Variants in QTMAN observed in about 807,000 individuals in gnomAD.
QTMAN encodes the protein queuosine-tRNA mannosyltransferase.
chr2:144,052,362 G>C, the QTMAN span, among the ~76,000 whole-genome samples: 2 of 152,190 alleles, frequency 1.3e-5, no homozygotes, highest in Non-Finnish European at 2.9e-5. Context: ...CTGCAATATT[G>C]CGGGGTTAAG....
chr2:144,171,024 C>T, the QTMAN span, among the ~76,000 whole-genome samples: 1 of 152,054 alleles, frequency 6.6e-6, no homozygotes, highest in African/African-American at 2.4e-5. Context: ...ATAGCAGTAC[C>T]ACTGTTCACT....
the QTMAN span, among the ~76,000 whole-genome samples, chr2:143,968,118 C>T: frequency 5.3e-5 from 8 of 152,310 alleles, no homozygotes; most frequent in East Asian, 1.4e-3. Context: ...CCATTCCACA[C>T]CTGGGCTCCT....
chr2:144,112,265 T>G, the QTMAN span, among the ~76,000 whole-genome samples: 7 of 152,344 alleles, frequency 4.6e-5, no homozygotes, highest in African/African-American at 1.7e-4. Context: ...ACAGATGTAC[T>G]TGTCTCTCTT....
chr2:144,066,591 GGACCACCTGAGGTCAGGAGTTCGAGACCA>G, the QTMAN span, among the ~76,000 whole-genome samples: 1 of 152,164 alleles, frequency 6.6e-6, no homozygotes, highest in Admixed American at 6.5e-5. Flanking sequence ...CGAGGTGGGT[GGACCACCTGAGGTCAGGAGTTCGAGACCA>G]GCCTGGTCAA....
the QTMAN span, among the ~76,000 whole-genome samples, chr2:144,011,032 G>A: frequency 3.3e-5 from 5 of 152,060 alleles, no homozygotes; most frequent in East Asian, 1.9e-4. Context: ...ATAACAATCC[G>A]GTACTTGAAA....
chr2:143,952,862 G>C, the QTMAN span: 1 of 1,489,306 alleles, frequency 6.7e-7, no homozygotes. Context: ...ATTTTAGAAA[G>C]AGGGTAAGAA....
chr2:144,256,716 G>A, the QTMAN span, among the ~76,000 whole-genome samples: 1 of 152,168 alleles, frequency 6.6e-6, no homozygotes, highest in Non-Finnish European at 1.5e-5. Flanking sequence ...GGAGGGAAAG[G>A]GGAGGAAAAG....
At chr2:144,243,691 A>G in the QTMAN span, among the ~76,000 whole-genome samples, 3 of 152,236 alleles carry the variant, frequency 2.0e-5, no homozygotes, top group Non-Finnish European at 4.4e-5. Context: ...GCATCCAAGT[A>G]CTTTAAGTGA....
the QTMAN span, among the ~76,000 whole-genome samples, chr2:144,139,143 G>A: frequency 6.6e-6 from 1 of 151,978 alleles, no homozygotes; most frequent in African/African-American, 2.4e-5. Context: ...GTAGGGTCTG[G>A]TAAGGCCAAA....
At chr2:143,961,983 T>C in the QTMAN span, among the ~76,000 whole-genome samples, 4 of 152,078 alleles carry the variant, frequency 2.6e-5, no homozygotes, top group African/African-American at 9.7e-5. Flanking sequence ...AGGTACTGAA[T>C]GGGAACCTCA....
chr2:144,280,320 A>G, the QTMAN span, among the ~76,000 whole-genome samples: 1 of 152,314 alleles, frequency 6.6e-6, no homozygotes, highest in East Asian at 1.9e-4. Context: ...TTGTGTTGTT[A>G]AACAGCTCAA....
the QTMAN span, among the ~76,000 whole-genome samples, chr2:144,008,259 A>G: frequency 2.0e-5 from 3 of 152,064 alleles, no homozygotes; most frequent in African/African-American, 4.8e-5. Context: ...GAAGAGTAGG[A>G]GACAGACACA....
the QTMAN span, among the ~76,000 whole-genome samples, chr2:144,120,218 T>C: frequency 6.6e-6 from 1 of 152,240 alleles, no homozygotes; most frequent in Non-Finnish European, 1.5e-5. Flanking sequence ...AACCTTCTTA[T>C]GCACGTCACC....
At chr2:144,090,809 C>G in the QTMAN span, among the ~76,000 whole-genome samples, 1 of 152,000 alleles carries the variant, frequency 6.6e-6, no homozygotes, top group African/African-American at 2.4e-5. Context: ...CATTCAAAAT[C>G]TCAGAGGGCT....
At chr2:144,155,164 C>T in the QTMAN span, among the ~76,000 whole-genome samples, 1 of 151,996 alleles carries the variant, frequency 6.6e-6, no homozygotes, top group Non-Finnish European at 1.5e-5. Context: ...TCCTGGGGTC[C>T]CTAATAGTAT....
the QTMAN span, among the ~76,000 whole-genome samples, chr2:144,118,573 T>C: frequency 6.6e-6 from 1 of 152,174 alleles, no homozygotes; most frequent in South Asian, 2.1e-4. Flanking sequence ...GATGTTGAAT[T>C]TGCATTAGCC....
At chr2:144,145,306 C>T in the QTMAN span, among the ~76,000 whole-genome samples, 6,647 of 151,718 alleles carry the variant, frequency 0.044, 256 homozygotes, top group East Asian at 0.18. Context: ...AAGGTCCCTG[C>T]CAACCTTTTA....
chr2:144,137,763 G>A, the QTMAN span, among the ~76,000 whole-genome samples: 1 of 150,790 alleles, frequency 6.6e-6, no homozygotes, highest in African/African-American at 2.4e-5. Context: ...GACAGACAGA[G>A]AGAGATCTCA....
chr2:144,062,048 T>C, the QTMAN span, among the ~76,000 whole-genome samples: 1 of 152,180 alleles, frequency 6.6e-6, no homozygotes, highest in African/African-American at 2.4e-5. Flanking sequence ...TGTGACCTGA[T>C]TCTTCCTGGA....
Sources: allele counts gnomAD v4.1 joint callset (sites outside exome capture counted in the v4.1 genomes callset), GRCh38; gene constraint gnomAD v4.1.1; transcripts MANE v1.5; gene names NCBI Gene and HGNC (gene_info 2026-07-23, HGNC 2026-07-21).